CCDC171: variants seen among roughly 807,000 people sequenced by gnomAD.
CCDC171 encodes the protein coiled-coil domain containing 171.
Under a neutral mutation model 168.2 loss-of-function variants are expected in CCDC171, and 177 were observed. That is an observed-to-expected ratio of 1.05 (90% CI 0.93 to 1.19). The LOEUF is 1.19. CCDC171 is among the 50% of genes most tolerant of loss of function. The probability of loss-of-function intolerance (pLI) is 0.00; values close to 1 mark genes in which losing one functional copy is unlikely to be tolerated. For synonymous variants in CCDC171, 687 were observed against 540.8 expected, an observed-to-expected ratio of 1.27 and a Z score of -3.75; for missense variants, 1,991 against 1,539.0, an observed-to-expected ratio of 1.29 and a Z score of -4.91.
At chr9:15,625,951 CG>C (rs1564078727) in intron 7 of CCDC171, among the ~76,000 whole-genome samples, 1 of 152,128 alleles carries the variant, frequency 6.6e-6, no homozygotes, top group South Asian at 2.1e-4. Flanking sequence ...TAACCATGAG[CG>C]TGGAATGTTC....
intron 21 of CCDC171, among the ~76,000 whole-genome samples, chr9:15,841,735 T>A (rs2060688987): frequency 6.6e-6 from 1 of 151,976 alleles, no homozygotes; most frequent in Non-Finnish European, 1.5e-5. Flanking sequence ...ATTATCTAAT[T>A]GTTTATCTTA....
At chr9:16,101,338 T>C in the CCDC171 span, among the ~76,000 whole-genome samples, 8 of 152,194 alleles carry the variant, frequency 5.3e-5, no homozygotes, top group Non-Finnish European at 1.2e-4. Flanking sequence ...TAAAATGTAT[T>C]GTTTATCTGA....
At chr9:15,591,279 A>G in intron 4 of CCDC171, 87 bp from the exon 5 acceptor site, 2 of 746,468 alleles carry the variant, frequency 2.7e-6, no homozygotes, top group Non-Finnish European at 4.5e-6. Flanking sequence ...CATGCTGTAA[A>G]TGATGTCAAC....
intron 3 of CCDC171, among the ~76,000 whole-genome samples, chr9:16,001,773 A>G (rs891676742): frequency 2.0e-5 from 3 of 152,078 alleles, no homozygotes; most frequent in Non-Finnish European, 2.9e-5. Context: ...CTGGCACTAA[A>G]ATTATGTATA....
At chr9:15,908,280 A>G (rs1436044209) in intron 24 of CCDC171, among the ~76,000 whole-genome samples, 3 of 152,224 alleles carry the variant, frequency 2.0e-5, no homozygotes, top group African/African-American at 7.2e-5. Context: ...GATAGACTGG[A>G]TTAAGAAAAT....
chr9:15,935,825 G>A (rs1827046385), intron 25 of CCDC171, among the ~76,000 whole-genome samples: 1 of 151,980 alleles, frequency 6.6e-6, no homozygotes, highest in Non-Finnish European at 1.5e-5. Flanking sequence ...TTAAAATGTT[G>A]CCTATAAGGC....
intron 21 of CCDC171, among the ~76,000 whole-genome samples, chr9:15,806,566 A>C (rs1049420657): frequency 6.6e-6 from 1 of 152,122 alleles, no homozygotes; most frequent in Non-Finnish European, 1.5e-5. Context: ...TAGGCCTCCA[A>C]TCTGTTCTTG....
At chr9:15,907,663 C>G (rs1346022745) in intron 24 of CCDC171, among the ~76,000 whole-genome samples, 1 of 152,188 alleles carries the variant, frequency 6.6e-6, no homozygotes, top group Non-Finnish European at 1.5e-5. Context: ...CAGATGGGAT[C>G]TAATTAAACT....
At chr9:15,964,808 T>C (rs1205998858) in intron 25 of CCDC171, among the ~76,000 whole-genome samples, 2 of 152,212 alleles carry the variant, frequency 1.3e-5, no homozygotes, top group African/African-American at 4.8e-5. Flanking sequence ...TCACCCAGGC[T>C]GGAGTGCAAT....
chr9:15,888,543 ATATGTTGACT>A (rs1819742019), intron 24 of CCDC171, among the ~76,000 whole-genome samples: 1 of 152,198 alleles, frequency 6.6e-6, no homozygotes, highest in Non-Finnish European at 1.5e-5. Context: ...TTCCAGGGGT[ATATGTTGACT>A]TGTAGCTCCT....
At position 15,623,462 on chromosome 9, in the gene CCDC171, T is replaced by A. The variant is rs1055136778; in HGVS notation, c.822+49T>A. 122 of 486,802 alleles carry A rather than the reference T, an allele frequency of 2.5e-4. 2 individuals are homozygous for A. The highest frequency in any genetic ancestry group is 3.5e-4 in the Non-Finnish European group (114 of 321,922). 30.2% of individuals were successfully genotyped at this position (486,802 alleles called of 1,614,324 possible). On this transcript the variant is annotated intron_variant, in intron 7 of 25. Coordinates refer to ENST00000380701, the MANE Select transcript of CCDC171 (RefSeq NM_173550.4). ...ATATATATGCGTACAAACTTTCACATATGCGCGCGCGCGCACACACACACA... is the reference window on the plus strand; with the variant it reads ...ATATATATGCGTACAAACTTTCACAAATGCGCGCGCGCGCACACACACACA...
intron 3 of CCDC171, 73 bp from the exon 4 acceptor site, chr9:15,578,776 A>G (rs1219715920): frequency 6.5e-6 from 8 of 1,235,432 alleles, no homozygotes; most frequent in Non-Finnish European, 7.9e-6. Flanking sequence ...AAGTTTCTCT[A>G]AGAAACTTAA....
chr9:15,957,542 G>A (rs947562004), intron 25 of CCDC171, among the ~76,000 whole-genome samples: 1 of 152,166 alleles, frequency 6.6e-6, no homozygotes, highest in African/African-American at 2.4e-5. Context: ...AACAAAAGAT[G>A]CTAATGTTGA....
At chr9:15,732,292 T>C (rs927118151) in intron 16 of CCDC171, among the ~76,000 whole-genome samples, 5 of 152,268 alleles carry the variant, frequency 3.3e-5, no homozygotes, top group African/African-American at 9.6e-5. Flanking sequence ...TTGTTTCTTC[T>C]AGAAGTTTCA....
intron 18 of CCDC171, among the ~76,000 whole-genome samples, chr9:15,769,129 T>C (rs962971006): frequency 6.6e-6 from 1 of 152,240 alleles, no homozygotes; most frequent in Non-Finnish European, 1.5e-5. Context: ...ACATGGATTA[T>C]TGTATTAGAA....
Position 15,736,414 on chromosome 9 carries a change from G to A in CCDC171, c.2049+6616G>A, listed in dbSNP as rs148084732. 1.8e-3 allele frequency among the ~76,000 whole-genome samples: 277 copies of A among 151,784 alleles called. 2 individuals carry two copies. The highest frequency in any genetic ancestry group is 6.2e-3 in the African/African-American group (256 of 41,374). On this transcript the variant is annotated intron_variant, in intron 16 of 25. Coordinates refer to ENST00000380701, the MANE Select transcript of CCDC171 (RefSeq NM_173550.4). ...TGCCTAGACTAGAGGTCAGTCGTGC[G>A]ATCATAGCTCACTGCAGCCTCAACC...
intron 6 of CCDC171, among the ~76,000 whole-genome samples, chr9:16,032,199 C>T (rs1252646542): frequency 6.6e-6 from 1 of 152,090 alleles, no homozygotes; most frequent in African/African-American, 2.4e-5. Flanking sequence ...AACATTCAAG[C>T]GGGAAGGGCC....
intron 11 of CCDC171, among the ~76,000 whole-genome samples, chr9:15,698,070 A>ACC (rs372535743): frequency 0.45 from 68,722 of 151,722 alleles, 15,878 homozygotes; most frequent in Non-Finnish European, 0.51. Flanking sequence ...TGTAGAGTTC[A>ACC]ATACTGTGCT....
At chr9:16,067,578 T>G in the CCDC171 span, among the ~76,000 whole-genome samples, 2 of 152,186 alleles carry the variant, frequency 1.3e-5, no homozygotes, top group Non-Finnish European at 2.9e-5. Context: ...TTTTCTTCTC[T>G]GGTTTTTATG....
Sources: allele counts gnomAD v4.1 joint callset (sites outside exome capture counted in the v4.1 genomes callset), GRCh38; gene constraint gnomAD v4.1.1; transcripts MANE v1.5; gene names NCBI Gene and HGNC (gene_info 2026-07-23, HGNC 2026-07-21).